The following PTCHD4 variants were observed in gnomAD, a reference collection of about 807,000 sequenced individuals.
PTCHD4 encodes the protein patched domain-containing protein 4.
A neutral mutation model predicts 58.1 loss-of-function variants in PTCHD4; 33 were observed. The observed-to-expected ratio is 0.57, with a 90% CI of 0.43 to 0.76. The LOEUF (loss-of-function observed/expected upper bound fraction) is 0.76. Among genes scored for constraint, PTCHD4 ranks in the 30% least tolerant of loss-of-function variants. PTCHD4 has a pLI of 0.00. For synonymous variants in PTCHD4, 478 were observed against 409.6 expected (o/e 1.17, Z -2.02); for missense variants, 1,058 against 1,027.1 (o/e 1.03, Z -0.41).
chr6:48,107,018 A>G (rs1030241105), intron 1 of PTCHD4, among the ~76,000 whole-genome samples: 1 of 152,218 alleles, frequency 6.6e-6, no homozygotes, highest in African/African-American at 2.4e-5. Flanking sequence ...GAAAATAGCC[A>G]TACTGCCCAA....
At position 47,910,165 on chromosome 6, in the gene PTCHD4, C is replaced by T. The variant is rs116423730; in HGVS notation, c.899-30229G>A. Among the ~76,000 whole-genome samples the T allele has an allele frequency of 6.3e-3, 962 of 152,258 alleles. 9 individuals carry two copies. Among genetic ancestry groups the T allele is most frequent in the Non-Finnish European group, 9.4e-3 (637 of 68,006 alleles). Reference sequence around the variant, plus strand: ...TCCATTGTAGACATTGATACAATGTCATCTTCCTTAGTTAATATTTTGGTG... The same window carrying T: ...TCCATTGTAGACATTGATACAATGTTATCTTCCTTAGTTAATATTTTGGTG... On this transcript the variant is annotated intron_variant, in intron 4 of 4. Coordinates refer to ENST00000339488, the MANE Select transcript of PTCHD4 (RefSeq NM_001384253.1).
intron 4 of PTCHD4, among the ~76,000 whole-genome samples, chr6:47,931,768 G>C (rs1447680641): frequency 6.9e-6 from 1 of 144,828 alleles, no homozygotes; most frequent in Non-Finnish European, 1.6e-5. Context: ...CATAATAATG[G>C]CACACAATAG....
chr6:48,093,501 T>C (rs1156906191), intron 1 of PTCHD4, among the ~76,000 whole-genome samples: 2 of 152,068 alleles, frequency 1.3e-5, no homozygotes, highest in Non-Finnish European at 2.9e-5. Context: ...ATTTGTAAAA[T>C]GATGTGTTAA....
rs1762561251 is a variant in PTCHD4, at chr6:48,008,795, G to T, written c.737C>A (p.Thr246Asn). 6 of 1,613,892 alleles carry T rather than the reference G, an allele frequency of 3.7e-6. No individual in the cohort carries two copies. The highest frequency in any genetic ancestry group is 5.1e-6 in the Non-Finnish European group (6 of 1,179,912). ...VSLVLILTTA[T>N]LSSSMKDCLR... ...GCAGTCCTTCATGGAGCTGGAGAGG[G>T]TGGCTGTGGTCAGGATCAGCACGAG... The change falls in exon 4 of 5, where the codon ACC becomes AAC. Residue 246 changes from threonine (T) to asparagine (N), a missense_variant. Transcript: ENST00000339488.
intron 1 of PTCHD4, among the ~76,000 whole-genome samples, chr6:48,088,751 G>A (rs184614658): frequency 6.6e-6 from 1 of 152,080 alleles, no homozygotes; most frequent in African/African-American, 2.4e-5. Context: ...TAGTTTAAAG[G>A]AATGGGGGAT....
At position 47,860,929 on chromosome 6, in the gene PTCHD4, T is replaced by G. The variant is rs1013085931; in HGVS notation, c.*17374A>C. On this transcript the variant is annotated 3_prime_UTR_variant, in exon 5 of 5. Coordinates refer to ENST00000339488, the MANE Select transcript of PTCHD4 (RefSeq NM_001384253.1). ...TACTTTTAAAAATCAGTTCTGTATC[T>G]AAGGTAGTATAGTCCAACTAAGAAA... Among the ~76,000 whole-genome samples, 15 of 152,002 alleles carry G rather than the reference T, an allele frequency of 9.9e-5. No individual in the cohort carries two copies. Among genetic ancestry groups the G allele is most frequent in the African/African-American group, 3.1e-4 (13 of 41,424 alleles).
chr6:48,011,568 T>C (rs530042612), intron 3 of PTCHD4, among the ~76,000 whole-genome samples: 1 of 152,348 alleles, frequency 6.6e-6, no homozygotes, highest in East Asian at 1.9e-4. Flanking sequence ...CAGAAGCCCT[T>C]TAGTTTAATT....
chr6:47,965,154 A>G (rs1373989913), intron 4 of PTCHD4, among the ~76,000 whole-genome samples: 2 of 152,212 alleles, frequency 1.3e-5, no homozygotes, highest in Non-Finnish European at 2.9e-5. Context: ...AAATGTTTTC[A>G]AATAAAAAAA....
In PTCHD4 at chr6:47,861,640, C is replaced by T. The variant is rs150762735; in HGVS notation, c.*16663G>A. ...TATGGAAGACATGTTAACTAAGAAT[C>T]TTGAACAATTTTTAGATTAATAGCA... On this transcript the variant is annotated 3_prime_UTR_variant, in exon 5 of 5. Coordinates refer to ENST00000339488, the MANE Select transcript of PTCHD4 (RefSeq NM_001384253.1). 2.8e-3 allele frequency among the ~76,000 whole-genome samples: 420 copies of T among 151,980 alleles called. No individual in the cohort carries two copies. The highest frequency in any genetic ancestry group is 9.7e-3 in the African/African-American group (403 of 41,520).
At chr6:48,064,094 A>G (rs1764715553) in intron 3 of PTCHD4, among the ~76,000 whole-genome samples, 1 of 152,206 alleles carries the variant, frequency 6.6e-6, no homozygotes, top group African/African-American at 2.4e-5. Context: ...AGGTGTGGTT[A>G]TTAATGGCAT....
intron 1 of PTCHD4, among the ~76,000 whole-genome samples, chr6:48,073,307 A>G (rs1445414910): frequency 6.6e-6 from 1 of 152,238 alleles, no homozygotes; most frequent in East Asian, 1.9e-4. Context: ...ATGAGACACC[A>G]GAGAAAACTG....
In PTCHD4 at chr6:47,957,261, A is replaced by AAT. The variant is rs1345761107; in HGVS notation, c.898+51371_898+51372dup. Among the ~76,000 whole-genome samples the AAT allele has an allele frequency of 9.5e-5, 14 of 147,976 alleles. No individual in the cohort carries two copies. The Admixed American group carries it at 9.5e-4, about 10-fold the overall frequency. ...TGATGGTTAAGGTTTATATATATAT[A>AAT]ATATATATATTATATATATAGTTTC... On this transcript the variant is annotated intron_variant, in intron 4 of 4. Transcript: ENST00000339488.
chr6:48,055,965 G>A (rs759148036), intron 3 of PTCHD4, among the ~76,000 whole-genome samples: 5 of 152,184 alleles, frequency 3.3e-5, no homozygotes, highest in Non-Finnish European at 7.3e-5. Context: ...CTATGCAAGA[G>A]CCACATATGG....
intron 3 of PTCHD4, among the ~76,000 whole-genome samples, chr6:48,046,358 T>C (rs1468013913): frequency 2.0e-5 from 3 of 151,834 alleles, no homozygotes; most frequent in South Asian, 4.1e-4. Flanking sequence ...ACTGTTCCTA[T>C]GAAGCTTTTT....
intron 3 of PTCHD4, among the ~76,000 whole-genome samples, chr6:48,024,908 C>A (rs1266168497): frequency 6.6e-6 from 1 of 152,156 alleles, no homozygotes; most frequent in East Asian, 1.9e-4. Flanking sequence ...CTTTAAATTT[C>A]ATACATAAAA....
intron 3 of PTCHD4, among the ~76,000 whole-genome samples, chr6:48,045,486 TC>T (rs1290424546): frequency 1.3e-5 from 2 of 151,828 alleles, no homozygotes; most frequent in African/African-American, 4.8e-5. Context: ...TGCCTAGCAC[TC>T]CCCCTTTAGA....
chr6:47,929,174 A>G (rs1175372643), intron 4 of PTCHD4, among the ~76,000 whole-genome samples: 1 of 152,208 alleles, frequency 6.6e-6, no homozygotes, highest in East Asian at 1.9e-4. Context: ...ACAGTATAAA[A>G]TGAAAAAAAA....
intron 4 of PTCHD4, among the ~76,000 whole-genome samples, chr6:47,905,936 G>C (rs912277989): frequency 2.6e-5 from 4 of 152,248 alleles, no homozygotes; most frequent in Non-Finnish European, 5.9e-5. Context: ...TGAGCTAGCA[G>C]CTTGCTGGAC....
Position 48,068,163 on chromosome 6 carries a change from A to ATT in PTCHD4, c.417+65_417+66dup. ...ACTGAAATAATATCATCCAGCACGC[A>ATT]TTTCTTATCCTGATTTCTCAACACA... On this transcript the variant is annotated intron_variant, in intron 3 of 4. Coordinates refer to ENST00000339488, the MANE Select transcript of PTCHD4 (RefSeq NM_001384253.1). The surrounding 1 kb of genome is among the most constrained non-coding windows in gnomAD (Gnocchi z 4.2). 6.8e-7 allele frequency: 1 copy of ATT among 1,470,842 alleles called. No individual in the cohort carries two copies. Among genetic ancestry groups the ATT allele is most frequent in the Non-Finnish European group, 9.1e-7 (1 of 1,093,842 alleles). The allele number at this position is 1,470,842 out of a possible 1,614,324, so 91.1% of individuals were successfully genotyped here. A position where few individuals can be genotyped will look rare whatever the true frequency, so the allele number is the denominator to read the frequency against.
Sources: gnomAD v4.1 joint callset for allele counts (sites outside exome capture counted in the v4.1 genomes callset) on GRCh38, gnomAD v4.1.1 for gene constraint, Gnocchi (gnomAD v3.1) non-coding constraint, MANE v1.5 for transcripts, NCBI Gene and HGNC (gene_info 2026-07-23, HGNC 2026-07-21) for gene names.